PELI2: variants seen among roughly 807,000 people sequenced by gnomAD.
PELI2 encodes the protein E3 ubiquitin-protein ligase pellino homolog 2.
In PELI2, 23 loss-of-function variants were observed where a neutral mutation model predicts 42.3. That is an observed-to-expected ratio of 0.54 (90% CI 0.39 to 0.77). The LOEUF is 0.77. PELI2 is among the 30% of genes least tolerant of loss of function. The pLI, the probability that PELI2 is intolerant of heterozygous loss-of-function variation, is 0.00. For missense variants in PELI2, 463 were observed against 553.2 expected, an observed-to-expected ratio of 0.84 and a Z score of 1.64; for synonymous variants, 245 against 212.2, an observed-to-expected ratio of 1.15 and a Z score of -1.34.
At chr14:56,233,695 A>G (rs1012004049) in intron 2 of PELI2, among the ~76,000 whole-genome samples, 1 of 152,204 alleles carries the variant, frequency 6.6e-6, no homozygotes, top group Admixed American at 6.5e-5. Context: ...ATAGGCATGG[A>G]CAAGGACTTC....
chr14:56,216,062 T>C (rs565728510), intron 2 of PELI2, among the ~76,000 whole-genome samples: 2 of 152,234 alleles, frequency 1.3e-5, no homozygotes, highest in Non-Finnish European at 2.9e-5. Flanking sequence ...TCTCTAAGCT[T>C]TCAAGGTAGC....
chr14:56,170,496 A>G lies in PELI2; in HGVS notation c.78-7839A>G, dbSNP rs373265009. Among the ~76,000 whole-genome samples, 32 of 152,310 alleles carry G rather than the reference A, an allele frequency of 2.1e-4. 1 individual carries two copies. Among genetic ancestry groups the G allele is most frequent in the East Asian group, 1.2e-3 (6 of 5,182 alleles). On this transcript the variant is annotated intron_variant, in intron 1 of 5. Coordinates refer to ENST00000267460, the MANE Select transcript of PELI2 (RefSeq NM_021255.3). The stretch of plus-strand genomic sequence containing the variant: ...AATTTAAAAACTGTCAGTGTTGTCT[A>G]CTGGAAAGAGTATGAAATTTGGAGT...
In PELI2 at chr14:56,118,629, C is replaced by T. The variant is rs552449620; in HGVS notation, c.-32C>T. Reference sequence around the variant, plus strand: ...GGGATCGCGGCGGAGGCGGCGGCGTCGGCGGCGGCGTCGGCGGCCGAGCGG... The same window carrying T: ...GGGATCGCGGCGGAGGCGGCGGCGTTGGCGGCGGCGTCGGCGGCCGAGCGG... On this transcript the variant is annotated 5_prime_UTR_variant, in exon 1 of 6. Transcript: ENST00000267460. 2 of 1,308,164 alleles carry T rather than the reference C, an allele frequency of 1.5e-6. No homozygotes were observed. The highest frequency in any genetic ancestry group is 9.9e-7 in the Non-Finnish European group (1 of 1,007,686). 81.0% of individuals were successfully genotyped at this position (1,308,164 alleles called of 1,614,324 possible).
chr14:56,168,816 A>G (rs762893308), intron 1 of PELI2, among the ~76,000 whole-genome samples: 1 of 152,142 alleles, frequency 6.6e-6, no homozygotes, highest in Non-Finnish European at 1.5e-5. Context: ...ACCAGAAGCC[A>G]CCAAGGCCCT....
intron 1 of PELI2, among the ~76,000 whole-genome samples, chr14:56,163,033 C>G (rs1884824218): frequency 1.3e-5 from 2 of 151,968 alleles, no homozygotes; most frequent in Non-Finnish European, 2.9e-5. Context: ...TTCTCCCATT[C>G]TGTGCGTTTT....
At position 56,273,599 on chromosome 14, in the gene PELI2, T is replaced by C. The variant is rs1037610770; in HGVS notation, c.208-6077T>C. Among the ~76,000 whole-genome samples, 3 of 152,228 alleles carry C rather than the reference T, an allele frequency of 2.0e-5. No homozygotes were observed. Among genetic ancestry groups the C allele is most frequent in the African/African-American group, 7.2e-5 (3 of 41,456 alleles). Reference sequence around the variant, plus strand: ...ATGTTACACATTGTTTTGCATTTGATTTTTGCCTTAATACAGTGAAATCAG... The same window carrying C: ...ATGTTACACATTGTTTTGCATTTGACTTTTGCCTTAATACAGTGAAATCAG... On this transcript the variant is annotated intron_variant, in intron 2 of 5. Transcript: ENST00000267460. The surrounding 1 kb of genome is among the most constrained non-coding windows in gnomAD (Gnocchi z 4.3).
chr14:56,209,030 G>A (rs1274419346), intron 2 of PELI2, among the ~76,000 whole-genome samples: 1 of 152,168 alleles, frequency 6.6e-6, no homozygotes, highest in African/African-American at 2.4e-5. Flanking sequence ...AGTTGGTGGT[G>A]ATATTAATAA....
intron 1 of PELI2, among the ~76,000 whole-genome samples, chr14:56,149,031 G>C (rs1172488749): frequency 2.0e-5 from 3 of 152,174 alleles, no homozygotes; most frequent in African/African-American, 7.2e-5. Context: ...CTTCAGGAGA[G>C]AGGTCACCTC....
chr14:56,152,125 G>T (rs997198557), intron 1 of PELI2, among the ~76,000 whole-genome samples: 1 of 152,192 alleles, frequency 6.6e-6, no homozygotes, highest in African/African-American at 2.4e-5. Context: ...GCCAGAAGTT[G>T]TACTTATGGT....
intron 2 of PELI2, among the ~76,000 whole-genome samples, chr14:56,248,999 G>T (rs1888252955): frequency 6.6e-6 from 1 of 152,198 alleles, no homozygotes; most frequent in South Asian, 2.1e-4. Flanking sequence ...TTTGGTGTTT[G>T]TGTTTCCGTT....
At chr14:56,284,115 G>T (rs1316379792) in intron 3 of PELI2, among the ~76,000 whole-genome samples, 3 of 152,124 alleles carry the variant, frequency 2.0e-5, no homozygotes, top group African/African-American at 7.2e-5. Context: ...CCAAGAAAGG[G>T]CTTTATGCTG....
Position 56,191,867 on chromosome 14 carries a change from C to T in PELI2, c.207+13403C>T, listed in dbSNP as rs72714376. ...TTTTTATTTTTGAGACAGAGTGTCG[C>T]TCTGTCACCCAGGCTGTACTCACAC... is the stretch of plus-strand genomic sequence containing the variant. On this transcript the variant is annotated intron_variant, in intron 2 of 5. Coordinates refer to ENST00000267460, the MANE Select transcript of PELI2 (RefSeq NM_021255.3). Among the ~76,000 whole-genome samples, 1,302 of 152,284 alleles carry T rather than the reference C, an allele frequency of 8.5e-3. 10 individuals are homozygous for T. The highest frequency in any genetic ancestry group is 0.013 in the Non-Finnish European group (917 of 68,020).
At chr14:56,172,669 A>G (rs555677954) in intron 1 of PELI2, among the ~76,000 whole-genome samples, 1 of 152,282 alleles carries the variant, frequency 6.6e-6, no homozygotes, top group African/African-American at 2.4e-5. Flanking sequence ...AAGCAGAATA[A>G]TGGGTGTGGG....
At chr14:56,252,684 A>G (rs1888388164) in intron 2 of PELI2, among the ~76,000 whole-genome samples, 1 of 152,190 alleles carries the variant, frequency 6.6e-6, no homozygotes, top group Non-Finnish European at 1.5e-5. Flanking sequence ...AGGAGGATCA[A>G]TAACAAGTTC....
At chr14:56,130,105 ACT>A (rs1883430837) in intron 1 of PELI2, among the ~76,000 whole-genome samples, 1 of 150,956 alleles carries the variant, frequency 6.6e-6, no homozygotes, top group Non-Finnish European at 1.5e-5. Context: ...TTCTGGCTAG[ACT>A]CTTGCTGCTT....
intron 2 of PELI2, among the ~76,000 whole-genome samples, chr14:56,199,392 GT>G (rs1368140124): frequency 6.6e-6 from 1 of 152,184 alleles, no homozygotes; most frequent in Non-Finnish European, 1.5e-5. Flanking sequence ...TTACTGCTGA[GT>G]CACAGTTCAG....
At chr14:56,169,650 A>T (rs924768169) in intron 1 of PELI2, among the ~76,000 whole-genome samples, 2 of 152,132 alleles carry the variant, frequency 1.3e-5, no homozygotes, top group Non-Finnish European at 2.9e-5. Flanking sequence ...AAAACCAGGT[A>T]TTATCAGTGC....
chr14:56,217,257 C>T (rs1378434779), intron 2 of PELI2, among the ~76,000 whole-genome samples: 1 of 152,230 alleles, frequency 6.6e-6, no homozygotes, highest in Non-Finnish European at 1.5e-5. Flanking sequence ...ACGTAGCTGC[C>T]TGTGGTCTGC....
intron 1 of PELI2, among the ~76,000 whole-genome samples, chr14:56,162,024 G>C (rs1354326258): frequency 6.6e-6 from 1 of 152,044 alleles, no homozygotes; most frequent in African/African-American, 2.4e-5. Context: ...ATATATTTAG[G>C]GGTACATGAG....
Sources: gnomAD v4.1 joint callset for allele counts (sites outside exome capture counted in the v4.1 genomes callset) on GRCh38, gnomAD v4.1.1 for gene constraint, Gnocchi (gnomAD v3.1) non-coding constraint, MANE v1.5 for transcripts, NCBI Gene and HGNC (gene_info 2026-07-23, HGNC 2026-07-21) for gene names.